SYT1: variants seen among roughly 807,000 people sequenced by gnomAD.
The protein encoded by SYT1 is synaptotagmin 1.
A neutral mutation model predicts 44.8 loss-of-function variants in SYT1; 8 were observed. That is an observed-to-expected ratio of 0.18 (90% CI 0.10 to 0.32). The LOEUF (loss-of-function observed/expected upper bound fraction) is 0.32, where lower values mean the gene tolerates loss of function less well. Ranked by LOEUF, SYT1 falls within the 10% of genes least tolerant of loss-of-function variation. The pLI is 1.00. For missense variants in SYT1, 286 were observed against 509.3 expected (o/e 0.56, Z 4.22); for synonymous variants, 154 against 188.8 (o/e 0.82, Z 1.51).
intron 8 of SYT1, among the ~76,000 whole-genome samples, chr12:79,319,539 T>G (rs926570018): frequency 6.6e-6 from 1 of 152,198 alleles, no homozygotes; most frequent in Admixed American, 6.5e-5. Flanking sequence ...TGTTTTGGTC[T>G]GCAATACATA....
intron 1 of SYT1, among the ~76,000 whole-genome samples, chr12:78,905,280 C>T (rs183138950): frequency 1.3e-5 from 2 of 152,196 alleles, no homozygotes; most frequent in Admixed American, 1.3e-4. Flanking sequence ...CCGCGGGGGG[C>T]GGGAACTGAC....
At chr12:79,296,876 C>T (rs1879899385) in intron 7 of SYT1, among the ~76,000 whole-genome samples, 1 of 151,852 alleles carries the variant, frequency 6.6e-6, no homozygotes, top group African/African-American at 2.4e-5. Flanking sequence ...TGCAGGTCTC[C>T]AGGATCTTCG....
At chr12:79,172,559 CTA>C (rs1443478583) in intron 3 of SYT1, among the ~76,000 whole-genome samples, 1 of 151,798 alleles carries the variant, frequency 6.6e-6, no homozygotes, top group East Asian at 1.9e-4. Flanking sequence ...TTTCTTTCTT[CTA>C]TCTTATAATA....
intron 8 of SYT1, among the ~76,000 whole-genome samples, chr12:79,303,245 C>T (rs1880233059): frequency 6.6e-6 from 1 of 152,102 alleles, no homozygotes; most frequent in African/African-American, 2.4e-5. Context: ...CTCAGTTCTG[C>T]ACCCCAGGAT....
chr12:79,222,338 C>A (rs894334666), intron 4 of SYT1, among the ~76,000 whole-genome samples: 3 of 151,340 alleles, frequency 2.0e-5, no homozygotes, highest in Admixed American at 6.6e-5. Context: ...ACATCTTTCT[C>A]CAGGTTTAAG....
At chr12:79,379,181 CAT>C (rs1287990181) in intron 9 of SYT1, among the ~76,000 whole-genome samples, 1 of 152,058 alleles carries the variant, frequency 6.6e-6, no homozygotes, top group Non-Finnish European at 1.5e-5. Flanking sequence ...ACCCAATAAA[CAT>C]ATCAACAGAG....
chr12:79,431,553 T>TTTATTTAA (rs1363235258), intron 9 of SYT1, among the ~76,000 whole-genome samples: 3 of 150,546 alleles, frequency 2.0e-5, no homozygotes, highest in Non-Finnish European at 4.4e-5. Flanking sequence ...TATTTATTTA[T>TTTATTTAA]TGAGATGGAG....
intron 4 of SYT1, among the ~76,000 whole-genome samples, chr12:79,258,296 T>A (rs1877641535): frequency 6.6e-6 from 1 of 152,232 alleles, no homozygotes; most frequent in Admixed American, 6.5e-5. Flanking sequence ...TGACTTAACA[T>A]CTTGTCTGAC....
chr12:79,340,509 A>T (rs557159719), intron 8 of SYT1, among the ~76,000 whole-genome samples: 80 of 149,748 alleles, frequency 5.3e-4, no homozygotes, highest in African/African-American at 1.9e-3. Flanking sequence ...GTGATTTTGC[A>T]TATTGATTTT....
intron 9 of SYT1, among the ~76,000 whole-genome samples, chr12:79,363,224 G>A (rs1266158200): frequency 6.6e-6 from 1 of 152,118 alleles, no homozygotes; most frequent in South Asian, 2.1e-4. Flanking sequence ...ATTATGTTTA[G>A]TGGGTTCTTT....
chr12:79,049,213 C>G (rs1874290607), intron 3 of SYT1, among the ~76,000 whole-genome samples: 1 of 151,952 alleles, frequency 6.6e-6, no homozygotes, highest in Non-Finnish European at 1.5e-5. Context: ...AGTTATTTGA[C>G]TGGAACTGTA....
intron 3 of SYT1, among the ~76,000 whole-genome samples, chr12:79,201,251 G>A (rs886604955): frequency 6.6e-6 from 1 of 152,126 alleles, no homozygotes; most frequent in Non-Finnish European, 1.5e-5. Context: ...CTGAGCCAGA[G>A]CCAATGAGAG....
intron 1 of SYT1, among the ~76,000 whole-genome samples, chr12:78,954,747 A>T (rs1879126895): frequency 6.6e-6 from 1 of 152,222 alleles, no homozygotes; most frequent in South Asian, 2.1e-4. Context: ...TATGTAACTC[A>T]TCTATCTGTG....
chr12:79,144,122 A>G (rs1309758374), intron 3 of SYT1, among the ~76,000 whole-genome samples: 1 of 152,160 alleles, frequency 6.6e-6, no homozygotes, highest in African/African-American at 2.4e-5. Context: ...AAATTAGCTC[A>G]TTTAGTTTAC....
At chr12:79,195,786 G>A (rs1424453102) in intron 3 of SYT1, among the ~76,000 whole-genome samples, 1 of 152,102 alleles carries the variant, frequency 6.6e-6, no homozygotes, top group African/African-American at 2.4e-5. Context: ...GATAAACTAA[G>A]GAAGAAAGTA....
chr12:78,909,017 C>T (rs1876154321), intron 1 of SYT1, among the ~76,000 whole-genome samples: 1 of 151,764 alleles, frequency 6.6e-6, no homozygotes, highest in Non-Finnish European at 1.5e-5. Flanking sequence ...TGGAAGTTGC[C>T]TTTTATGACA....
In SYT1 at chr12:79,182,462, T is replaced by C. The variant is rs1320526483; in HGVS notation, c.-17-35041T>C. Among the ~76,000 whole-genome samples, 4 of 152,022 alleles carry C rather than the reference T, an allele frequency of 2.6e-5. No homozygotes were observed. In the East Asian group the frequency reaches 5.8e-4, roughly 22 times the overall value. Reference sequence around the variant, plus strand: ...GTAATTGACCAGATGAACAACAAGTTGAGGACCATCCATGAGAATATACCT... The same window carrying C: ...GTAATTGACCAGATGAACAACAAGTCGAGGACCATCCATGAGAATATACCT... On this transcript the variant is annotated intron_variant, in intron 3 of 10. Transcript: ENST00000261205.
At chr12:79,102,223 C>T (rs1244175876) in intron 3 of SYT1, among the ~76,000 whole-genome samples, 1 of 151,862 alleles carries the variant, frequency 6.6e-6, no homozygotes, top group East Asian at 1.9e-4. Context: ...AGAAATATAC[C>T]TACACATATG....
intron 3 of SYT1, among the ~76,000 whole-genome samples, chr12:79,108,134 T>C (rs1262648866): frequency 6.6e-6 from 1 of 151,896 alleles, no homozygotes; most frequent in East Asian, 1.9e-4. Flanking sequence ...GATGAAGATA[T>C]GCACCAAGCT....
Sources: gnomAD v4.1 joint callset for allele counts (sites outside exome capture counted in the v4.1 genomes callset) on GRCh38, gnomAD v4.1.1 for gene constraint, MANE v1.5 for transcripts, NCBI Gene and HGNC (gene_info 2026-07-23, HGNC 2026-07-21) for gene names.